ABCA5: variants seen among roughly 807,000 people sequenced by gnomAD.
The protein encoded by ABCA5 is cholesterol transporter ABCA5.
In ABCA5, 163 loss-of-function variants were observed where a neutral mutation model predicts 206.0. That is an observed-to-expected ratio of 0.79 (90% confidence interval 0.70 to 0.90). The LOEUF is 0.90. ABCA5 is among the 40% of genes least tolerant of loss of function. The pLI, the probability that ABCA5 is intolerant of heterozygous loss-of-function variation, is 0.00. For missense variants in ABCA5, 1,859 were observed against 1,912.9 expected, an observed-to-expected ratio of 0.97 and a Z score of 0.53; for synonymous variants, 609 against 613.8, an observed-to-expected ratio of 0.99 and a Z score of 0.11.
In ABCA5 at chr17:69,284,010, T is replaced by C. The variant is rs2075424644; in HGVS notation, c.2335A>G (p.Thr779Ala). The C allele has an allele frequency of 6.2e-7, 1 of 1,608,034 alleles. No homozygotes were observed. The highest frequency in any genetic ancestry group is 8.5e-7 in the Non-Finnish European group (1 of 1,177,456). The change falls in exon 18 of 39, where the codon ACG becomes GCG. Residue 779 changes from threonine (T) to alanine (A), a missense_variant. Thr to Ala is a moderately conservative substitution (Grantham distance 58). Transcript: ENST00000392676. ...TTTAAAAATACGTCTTCCAAAGTCG[T>C]CATGGAAACACCATAAGAAATGACA... The part of the protein sequence containing the change: ...LGVISYGVSM[T>A]TLEDVFLKLE...
At chr17:69,298,234 A>G (rs2075605969) in intron 9 of ABCA5, among the ~76,000 whole-genome samples, 1 of 84,106 alleles carries the variant, frequency 1.2e-5, no homozygotes, top group Non-Finnish European at 2.5e-5. Flanking sequence ...GTAGGTAGGA[A>G]GGAAGGAAGG....
intron 1 of ABCA5, among the ~76,000 whole-genome samples, chr17:69,324,412 A>G (rs1363934291): frequency 1.3e-5 from 2 of 152,224 alleles, no homozygotes. Context: ...GAACCGGAGC[A>G]AGGGGTGCAG....
chr17:69,323,066 G>A (rs956096399), intron 1 of ABCA5, among the ~76,000 whole-genome samples: 2 of 152,100 alleles, frequency 1.3e-5, no homozygotes, highest in Non-Finnish European at 2.9e-5. Flanking sequence ...GTCTACTTGG[G>A]GCTTCTAAAC....
rs758819840 is a variant in ABCA5, at chr17:69,301,188, A to G, written c.1218T>C (p.Asn406=). Residue 406 remains asparagine, a synonymous_variant, in exon 9 of 39, where the codon AAT becomes AAC. Coordinates refer to ENST00000392676, the MANE Select transcript of ABCA5 (RefSeq NM_172232.4). ...LIITIIMLTL[N]SIFYVLLAVY... The stretch of plus-strand genomic sequence containing the variant: ...CAGCCAAGAGGACATAGAATATACT[A>G]TTAAGTGTGAGCATGATAATTGTAA... The G allele has an allele frequency of 3.6e-5, 58 of 1,599,828 alleles. No homozygotes were observed. Among genetic ancestry groups the G allele is most frequent in the Middle Eastern group, 3.3e-4 (2 of 6,016 alleles).
chr17:69,249,451 C>T (rs1250777002), intron 37 of ABCA5: 7 of 155,436 alleles, frequency 4.5e-5, no homozygotes, highest in Non-Finnish European at 1.0e-4. Flanking sequence ...ATTCTCTTTG[C>T]CACTGGAGTC....
chr17:69,253,824 TAC>T lies in ABCA5; in HGVS notation c.4288_4289del (p.Val1430LysfsTer28), dbSNP rs1365089638. 1.2e-6 allele frequency: 2 copies of T among 1,613,056 alleles called. 1 individual carries two copies. Among genetic ancestry groups the T allele is most frequent in the Non-Finnish European group, 1.7e-6 (2 of 1,179,660 alleles). The part of the protein sequence containing the change: ...LDLKEHLQKT[V>X]KKLPAGIKRK... The stretch of plus-strand genomic sequence containing the variant: ...GTTTGATTCCTGCAGGTAGTTTCTT[TAC>T]AGTCTTCTGAAGATGTTCTTTTAAA... On this transcript the variant is annotated frameshift_variant, in exon 33 of 39. Coordinates refer to ENST00000392676, the MANE Select transcript of ABCA5 (RefSeq NM_172232.4). LOFTEE classifies it high-confidence loss of function.
intron 22 of ABCA5, 27 bp downstream of exon 22, chr17:69,270,586 A>G: frequency 6.4e-7 from 1 of 1,550,598 alleles, no homozygotes; most frequent in Non-Finnish European, 8.7e-7. Context: ...TGCATATGGA[A>G]ATTTATCTGT....
At chr17:69,254,255 A>C in intron 32 of ABCA5, 60 bp downstream of exon 32, 1 of 1,377,546 alleles carries the variant, frequency 7.3e-7, no homozygotes, top group Non-Finnish European at 9.8e-7. Context: ...AAATTTTAAA[A>C]ATATGAAATG....
Position 69,314,448 on chromosome 17 carries a change from C to T in ABCA5, c.-15-18G>A, listed in dbSNP as rs1345380500. Reference sequence around the variant, plus strand: ...GAATAAACCTATTAAAGAGGAAAAACAAACAAACAAACCCGGAGCCACGCA... The same window carrying T: ...GAATAAACCTATTAAAGAGGAAAAATAAACAAACAAACCCGGAGCCACGCA... On this transcript the variant is annotated intron_variant, in intron 1 of 38. Coordinates refer to ENST00000392676, the MANE Select transcript of ABCA5 (RefSeq NM_172232.4). 1 of 1,465,368 alleles carries T rather than the reference C, an allele frequency of 6.8e-7. No homozygotes were observed. Among genetic ancestry groups the T allele is most frequent in the African/African-American group, 1.4e-5 (1 of 70,826 alleles). The allele number at this position is 1,465,368 out of a possible 1,614,324, so 90.8% of individuals were successfully genotyped here. A position where few individuals can be genotyped will look rare whatever the true frequency, so the allele number is the denominator to read the frequency against.
At chr17:69,294,810 A>C in intron 10 of ABCA5, 97 bp from the exon 11 acceptor site, 1 of 661,920 alleles carries the variant, frequency 1.5e-6, no homozygotes, top group Non-Finnish European at 2.4e-6. Flanking sequence ...ATCACATTTT[A>C]TAAGAATAAT....
At chr17:69,309,676 C>T (rs2075751492) in intron 3 of ABCA5, among the ~76,000 whole-genome samples, 1 of 151,882 alleles carries the variant, frequency 6.6e-6, no homozygotes, top group African/African-American at 2.4e-5. Flanking sequence ...GGTTCTGTCT[C>T]CAAAAAATAA....
intron 5 of ABCA5, 101 bp from the exon 6 acceptor site, chr17:69,307,055 T>C: frequency 3.3e-6 from 2 of 614,286 alleles, no homozygotes; most frequent in Non-Finnish European, 5.0e-6. Context: ...AGTAACCTAG[T>C]ACAAATACAA....
At chr17:69,250,258 T>C (rs1269696266) in intron 36 of ABCA5, among the ~76,000 whole-genome samples, 2 of 151,876 alleles carry the variant, frequency 1.3e-5, no homozygotes, top group African/African-American at 4.8e-5. Context: ...TAGTCCAGTA[T>C]TGGTGATAAT....
intron 23 of ABCA5, 39 bp from the exon 24 acceptor site, chr17:69,264,944 A>T (rs766392629): frequency 6.9e-6 from 9 of 1,308,002 alleles, no homozygotes; most frequent in Non-Finnish European, 9.1e-6. Context: ...AATTTTAGAC[A>T]CTTTAGAAAC....
chr17:69,251,578 T>C, intron 35 of ABCA5, 169 bp downstream of exon 35: 1 of 826,890 alleles, frequency 1.2e-6, no homozygotes, highest in South Asian at 2.8e-5. Flanking sequence ...TAGACAGCCA[T>C]ATTTTTAAAA....
intron 1 of ABCA5, among the ~76,000 whole-genome samples, chr17:69,325,975 A>T (rs541771616): frequency 2.0e-5 from 3 of 152,210 alleles, no homozygotes; most frequent in Non-Finnish European, 4.4e-5. Flanking sequence ...ATTTTAACAC[A>T]AATACCCACA....
Position 69,261,718 on chromosome 17 carries a change from C to A in ABCA5, c.3346G>T (p.Val1116Phe). The A allele has an allele frequency of 1.3e-6, 2 of 1,496,800 alleles. No individual in the cohort carries two copies. Among genetic ancestry groups the A allele is most frequent in the African/African-American group, 2.9e-5 (2 of 68,944 alleles). The allele number at this position is 1,496,800 out of a possible 1,614,324, so 92.7% of individuals were successfully genotyped here. ...GAAGCAATATAAGTGAACAGAATAA[C>A]TGATGGAACATAACCAATAAGGCAA... ...VFCLIGYVPS[V>F]ILFTYIASFT... The change falls in exon 25 of 39, where the codon GTT becomes TTT. Residue 1116 changes from valine (V) to phenylalanine (F), a missense_variant. By Grantham distance (50) the Val-to-Phe change is conservative (BLOSUM62 -1). Coordinates refer to ENST00000392676, the MANE Select transcript of ABCA5 (RefSeq NM_172232.4).
At chr17:69,270,591 A>G (rs1299666243) in intron 22 of ABCA5, 22 bp downstream of exon 22, 1 of 1,554,822 alleles carries the variant, frequency 6.4e-7, no homozygotes, top group African/African-American at 1.4e-5. Flanking sequence ...ATGGAAATTT[A>G]TCTGTATATA....
chr17:69,300,646 A>G (rs1024787029), intron 9 of ABCA5, among the ~76,000 whole-genome samples: 1 of 152,220 alleles, frequency 6.6e-6, no homozygotes, highest in East Asian at 1.9e-4. Flanking sequence ...ACACATGGCT[A>G]GTAGTTACCA....
Sources: allele counts gnomAD v4.1 joint callset (sites outside exome capture counted in the v4.1 genomes callset), GRCh38; gene constraint gnomAD v4.1.1; transcripts MANE v1.5; gene names NCBI Gene and HGNC (gene_info 2026-07-23, HGNC 2026-07-21).